Variants in NEK7 observed in about 807,000 individuals in gnomAD.
NEK7 encodes the protein NIMA related kinase 7, also known as serine/threonine-protein kinase Nek7.
A neutral mutation model predicts 44.6 loss-of-function variants in NEK7; 18 were observed. The ratio of observed to expected loss-of-function variants is 0.40; its 90% CI spans 0.28 to 0.60. The LOEUF (loss-of-function observed/expected upper bound fraction) is 0.60. Ranked by LOEUF, NEK7 falls within the 20% of genes least tolerant of loss-of-function variation. The probability of loss-of-function intolerance (pLI) is 0.38; values close to 1 mark genes in which losing one functional copy is unlikely to be tolerated. For missense variants in NEK7, 256 were observed against 366.5 expected (o/e 0.70, Z 2.46); for synonymous variants, 130 against 121.1 (o/e 1.07, Z -0.48).
Position 198,228,957 on chromosome 1 carries a change from G to A in NEK7, c.-28-3596G>A, listed in dbSNP as rs1425555865. ...CCCTGTCTTGTGCCCGTTTTCAAAGGGAATGCTTCCAGTTTTTGCCCATTC... is the reference window on the plus strand; with the variant it reads ...CCCTGTCTTGTGCCCGTTTTCAAAGAGAATGCTTCCAGTTTTTGCCCATTC... On this transcript the variant is annotated intron_variant, in intron 1 of 9. Coordinates refer to ENST00000367385, the MANE Select transcript of NEK7 (RefSeq NM_133494.3). Among the ~76,000 whole-genome samples the A allele has an allele frequency of 5.3e-5, 8 of 152,214 alleles. 2 individuals are homozygous for A. Among genetic ancestry groups the A allele is most frequent in the Admixed American group, 5.2e-4 (8 of 15,274 alleles).
chr1:198,299,509 TAAA>T (rs1654818295), intron 9 of NEK7, among the ~76,000 whole-genome samples: 1 of 151,668 alleles, frequency 6.6e-6, no homozygotes, highest in African/African-American at 2.4e-5. Context: ...CAGGAACTAA[TAAA>T]AAGTGAAGTA....
intron 1 of NEK7, among the ~76,000 whole-genome samples, chr1:198,178,698 G>A (rs116508257): frequency 1.3e-5 from 2 of 151,588 alleles, no homozygotes; most frequent in Non-Finnish European, 2.9e-5. Flanking sequence ...TGTTGTTGTT[G>A]TTGTTGTTGT....
intron 4 of NEK7, 22 bp downstream of exon 4, chr1:198,262,659 CT>C: frequency 7.0e-7 from 1 of 1,423,372 alleles, no homozygotes; most frequent in Admixed American, 1.9e-5. Flanking sequence ...ACTGTTGACT[CT>C]TTTGAACATA....
chr1:198,294,511 T>C (rs1654654934), intron 8 of NEK7, among the ~76,000 whole-genome samples: 1 of 152,048 alleles, frequency 6.6e-6, no homozygotes, highest in South Asian at 2.1e-4. Context: ...AACAGCAAAT[T>C]GGTTTCCAAT....
At chr1:198,192,476 T>A (rs1665107305) in intron 1 of NEK7, among the ~76,000 whole-genome samples, 1 of 152,096 alleles carries the variant, frequency 6.6e-6, no homozygotes, top group Admixed American at 6.6e-5. Flanking sequence ...AATGAAAGAT[T>A]ACTCCAAAGT....
rs944183161 is a variant in NEK7 at position 198,231,321 on chromosome 1, A to G, written c.-28-1232A>G. ...TGTGTGTATATATATATATATATAT[A>G]TATATATATATATATAAAAACACAT... On this transcript the variant is annotated intron_variant, in intron 1 of 9. Coordinates refer to ENST00000367385, the MANE Select transcript of NEK7 (RefSeq NM_133494.3). 1.5e-4 allele frequency among the ~76,000 whole-genome samples: 21 copies of G among 143,270 alleles called. No homozygotes were observed. The East Asian group carries it at 3.6e-3, about 24-fold the overall frequency. The allele number at this position is 143,270 out of a possible 152,430, so 94.0% of individuals were successfully genotyped here.
chr1:198,235,284 G>C (rs1002119972), intron 2 of NEK7, among the ~76,000 whole-genome samples: 6 of 152,062 alleles, frequency 3.9e-5, no homozygotes, highest in Admixed American at 3.3e-4. Context: ...TACAGTGTAA[G>C]TTCCTTTTGT....
At position 198,250,548 on chromosome 1, in the gene NEK7, T is replaced by A. The variant is rs1463240384; in HGVS notation, c.58-2492T>A. ...TCTTCCATTTGTTTGTATCCTCTTT[T>A]ATTTCCTTGAGCAGTGGTTTGTAGT... On this transcript the variant is annotated intron_variant, in intron 2 of 9. Transcript: ENST00000367385. Among the ~76,000 whole-genome samples the A allele has an allele frequency of 8.5e-4, 122 of 143,424 alleles. 2 individuals carry two copies. The highest frequency in any genetic ancestry group is 3.6e-3 in the Middle Eastern group (1 of 280). 94.1% of individuals were successfully genotyped at this position (143,424 alleles called of 152,430 possible). A position where few individuals can be genotyped will look rare whatever the true frequency, so the allele number is the denominator to read the frequency against.
At chr1:198,207,113 G>A (rs915083124) in intron 1 of NEK7, 2 of 151,802 alleles carry the variant, frequency 1.3e-5, no homozygotes, top group African/African-American at 4.8e-5. Flanking sequence ...ATGAATTGAC[G>A]AAAATACAAA....
In NEK7 at chr1:198,278,330, A is replaced by G. The variant is rs918332188; in HGVS notation, c.481+261A>G. Reference sequence around the variant, plus strand: ...AAGATAAGACAGCAATCAAATATATATAAGGAAGAGTTTTTTGTTTCTTCA... The same window carrying G: ...AAGATAAGACAGCAATCAAATATATGTAAGGAAGAGTTTTTTGTTTCTTCA... On this transcript the variant is annotated intron_variant, in intron 6 of 9. Transcript: ENST00000367385. Among the ~76,000 whole-genome samples, 8 of 151,514 alleles carry G rather than the reference A, an allele frequency of 5.3e-5. 1 individual carries two copies. The highest frequency in any genetic ancestry group is 1.9e-4 in the African/African-American group (8 of 41,154).
At chr1:198,201,280 A>G (rs1665422711) in intron 1 of NEK7, among the ~76,000 whole-genome samples, 1 of 152,068 alleles carries the variant, frequency 6.6e-6, no homozygotes, top group African/African-American at 2.4e-5. Context: ...TTATTTTAGG[A>G]TACACTGAAT....
intron 1 of NEK7, among the ~76,000 whole-genome samples, chr1:198,175,528 A>G (rs1664579876): frequency 6.6e-6 from 1 of 152,196 alleles, no homozygotes; most frequent in Non-Finnish European, 1.5e-5. Context: ...GGTTTTGAAG[A>G]TGGGGCCAAG....
intron 2 of NEK7, among the ~76,000 whole-genome samples, chr1:198,250,485 C>T (rs1652906206): frequency 6.6e-6 from 1 of 151,170 alleles, no homozygotes; most frequent in African/African-American, 2.4e-5. Context: ...TGGCCATTTT[C>T]ACGATATTGA....
intron 9 of NEK7, among the ~76,000 whole-genome samples, chr1:198,313,064 G>T (rs1655241307): frequency 6.6e-6 from 1 of 151,938 alleles, no homozygotes; most frequent in Non-Finnish European, 1.5e-5. Context: ...TTATTAATGT[G>T]TGGGAGTCTA....
intron 9 of NEK7, among the ~76,000 whole-genome samples, chr1:198,313,006 G>A (rs571630529): frequency 6.6e-6 from 1 of 151,942 alleles, no homozygotes; most frequent in Non-Finnish European, 1.5e-5. Flanking sequence ...TTGACTTTCT[G>A]TCTCGTTGAT....
chr1:198,174,738 T>G (rs191018137), intron 1 of NEK7, among the ~76,000 whole-genome samples: 1 of 151,900 alleles, frequency 6.6e-6, no homozygotes, highest in East Asian at 1.9e-4. Context: ...AGCATTGTGT[T>G]TTTTTTTGTT....
intron 7 of NEK7, among the ~76,000 whole-genome samples, chr1:198,291,421 C>T (rs952351589): frequency 9.2e-5 from 14 of 152,246 alleles, no homozygotes; most frequent in Admixed American, 8.5e-4. Flanking sequence ...AGCTAGATAG[C>T]TTGTGTTTAT....
intron 1 of NEK7, among the ~76,000 whole-genome samples, chr1:198,199,686 T>C (rs189207088): frequency 6.6e-6 from 1 of 152,306 alleles, no homozygotes; most frequent in East Asian, 1.9e-4. Context: ...TATGAAATAT[T>C]CCTCTTTATT....
Position 198,254,224 on chromosome 1 carries a change from G to A in NEK7, c.198+1044G>A, listed in dbSNP as rs1927251. 4.5e-3 allele frequency among the ~76,000 whole-genome samples: 690 copies of A among 152,124 alleles called. 5 individuals carry two copies. The highest frequency in any genetic ancestry group is 0.015 in the African/African-American group (640 of 41,510). On this transcript the variant is annotated intron_variant, in intron 3 of 9. Transcript: ENST00000367385. ...GATGTAAACAATAATAGAGATACCC[G>A]CATATCCACAAGGCAGCTTAAGAAA...
Sources: gnomAD v4.1 joint callset for allele counts (sites outside exome capture counted in the v4.1 genomes callset) on GRCh38, gnomAD v4.1.1 for gene constraint, MANE v1.5 for transcripts, NCBI Gene and HGNC (gene_info 2026-07-23, HGNC 2026-07-21) for gene names.